The following UACA variants were observed in gnomAD, a reference collection of about 807,000 sequenced individuals.
The protein encoded by UACA is nuclear membrane binding protein.
UACA carries 112 observed loss-of-function variants against 160.5 expected under a neutral mutation model. The ratio of observed to expected loss-of-function variants is 0.70; its 90% CI spans 0.60 to 0.82. UACA has a LOEUF of 0.82. UACA is among the 40% of genes least tolerant of loss of function. The pLI is 0.00. For missense variants in UACA, 1,574 were observed against 1,614.6 expected, an observed-to-expected ratio of 0.97 and a Z score of 0.43; for synonymous variants, 557 against 568.4, an observed-to-expected ratio of 0.98 and a Z score of 0.29.
At chr15:70,778,062 A>G in the UACA span, among the ~76,000 whole-genome samples, 4 of 152,292 alleles carry the variant, frequency 2.6e-5, no homozygotes, top group South Asian at 6.2e-4. Context: ...TTAGTCAGGC[A>G]TAGTGACATG....
At chr15:70,764,170 GT>G (rs2030942917), upstream of UACA, among the ~76,000 whole-genome samples, 1 of 152,194 alleles carries the variant, frequency 6.6e-6, no homozygotes, top group South Asian at 2.1e-4. Context: ...TATTTGTTGA[GT>G]GAAGAATCCG....
upstream of UACA, chr15:70,763,736 G>C (rs2030922952): frequency 3.5e-6 from 1 of 286,856 alleles, no homozygotes; most frequent in African/African-American, 2.2e-5. Flanking sequence ...GGAAGGGGCG[G>C]AGGAGGTGGG....
At chr15:70,704,566 T>C (rs1049282486) in intron 1 of UACA, among the ~76,000 whole-genome samples, 2 of 152,190 alleles carry the variant, frequency 1.3e-5, no homozygotes, top group African/African-American at 2.4e-5. Flanking sequence ...GCTGTATGTA[T>C]ACTAGTAGGA....
In UACA at chr15:70,684,391, T is replaced by C; in HGVS notation, c.658A>G (p.Ile220Val). 6.2e-7 allele frequency: 1 copy of C among 1,613,794 alleles called. No individual in the cohort carries two copies. The highest frequency in any genetic ancestry group is 8.5e-7 in the Non-Finnish European group (1 of 1,179,812). ...YGCRDAVEVLIKNGADISLLD... is the reference protein window; with the variant it reads ...YGCRDAVEVLVKNGADISLLD... ...AAGCTTATATCAGCACCATTTTTAA[T>C]TAAGACTTCTACTGCATCTCTGCAA... Residue 220 changes from isoleucine to valine, a missense_variant, in exon 8 of 19, where the codon ATT (isoleucine) becomes GTT (valine). Ile to Val is a conservative substitution (Grantham distance 29). Coordinates refer to ENST00000322954, the MANE Select transcript of UACA (RefSeq NM_018003.4).
At chr15:70,719,020 T>C (rs983580538) in intron 1 of UACA, among the ~76,000 whole-genome samples, 3 of 145,042 alleles carry the variant, frequency 2.1e-5, no homozygotes, top group South Asian at 4.3e-4. Context: ...CCCCCAGTCA[T>C]AGGAAGGAGG....
intron 1 of UACA, among the ~76,000 whole-genome samples, chr15:70,755,620 A>G (rs969496839): frequency 6.6e-6 from 1 of 152,000 alleles, no homozygotes; most frequent in Non-Finnish European, 1.5e-5. Context: ...CAGTGGGCCA[A>G]GATTGCGCCA....
intron 3 of UACA, among the ~76,000 whole-genome samples, chr15:70,692,917 C>T (rs1897990313): frequency 6.6e-6 from 1 of 152,140 alleles, no homozygotes; most frequent in Non-Finnish European, 1.5e-5. Flanking sequence ...AACCAGGTTG[C>T]AGAACAAAAC....
intron 16 of UACA, among the ~76,000 whole-genome samples, chr15:70,666,033 G>A (rs1344513364): frequency 6.6e-6 from 1 of 152,130 alleles, no homozygotes; most frequent in Non-Finnish European, 1.5e-5. Flanking sequence ...TATAAACCCT[G>A]CTCATAAAAA....
the UACA span, among the ~76,000 whole-genome samples, chr15:70,771,721 GT>G: frequency 2.6e-5 from 4 of 152,238 alleles, no homozygotes; most frequent in Non-Finnish European, 5.9e-5. Context: ...GTTGAGGAAA[GT>G]CTTTCTGGAA....
At chr15:70,778,614 A>G in the UACA span, among the ~76,000 whole-genome samples, 1 of 152,224 alleles carries the variant, frequency 6.6e-6, no homozygotes, top group Admixed American at 6.5e-5. Context: ...TAATCCCTGC[A>G]TGTCAAAGTC....
At chr15:70,765,294 C>T (rs2030981269), upstream of UACA, among the ~76,000 whole-genome samples, 1 of 152,138 alleles carries the variant, frequency 6.6e-6, no homozygotes, top group Admixed American at 6.5e-5. Context: ...CTGTACTATT[C>T]TCTGTGGGTG....
At chr15:70,724,930 A>T (rs560711991) in intron 1 of UACA, among the ~76,000 whole-genome samples, 1 of 152,038 alleles carries the variant, frequency 6.6e-6, no homozygotes, top group Admixed American at 6.6e-5. Flanking sequence ...AAAAAAAAAA[A>T]AAAAAATTTA....
the UACA span, among the ~76,000 whole-genome samples, chr15:70,771,052 C>T: frequency 6.6e-6 from 1 of 152,266 alleles, no homozygotes; most frequent in Non-Finnish European, 1.5e-5. Flanking sequence ...TACTACATGA[C>T]TCCAAGTCAA....
intron 4 of UACA, among the ~76,000 whole-genome samples, chr15:70,690,952 T>C (rs780013172): frequency 2.0e-5 from 3 of 152,208 alleles, no homozygotes; most frequent in Non-Finnish European, 4.4e-5. Context: ...AATAATATTA[T>C]GTAGTATAAG....
intron 1 of UACA, among the ~76,000 whole-genome samples, chr15:70,741,548 T>C (rs1358917149): frequency 6.6e-6 from 1 of 152,228 alleles, no homozygotes; most frequent in Non-Finnish European, 1.5e-5. Flanking sequence ...CTCTGTTCTT[T>C]ATAAAGTTGG....
chr15:70,681,058 C>A (rs1281771283), intron 9 of UACA, among the ~76,000 whole-genome samples: 1 of 152,186 alleles, frequency 6.6e-6, no homozygotes, highest in Non-Finnish European at 1.5e-5. Context: ...GGGCACCTGC[C>A]CTTCCCTCAG....
At chr15:70,676,244 A>C (rs776882273) in intron 13 of UACA, 82 of 321,512 alleles carry the variant, frequency 2.6e-4, no homozygotes, top group Non-Finnish European at 4.1e-4. Context: ...AATGAAGAGA[A>C]ACTAGAATGA....
intron 1 of UACA, among the ~76,000 whole-genome samples, chr15:70,706,651 T>C (rs748112830): frequency 9.9e-5 from 15 of 151,942 alleles, no homozygotes; most frequent in Non-Finnish European, 2.2e-4. Flanking sequence ...TGCATTTCTA[T>C]ATAATAACAA....
intron 7 of UACA, 99 bp downstream of exon 7, chr15:70,687,441 A>T: frequency 8.9e-7 from 1 of 1,126,030 alleles, no homozygotes; most frequent in East Asian, 2.4e-5. Flanking sequence ...AACCCACAGG[A>T]AAGAAAGGCC....
Sources: allele counts gnomAD v4.1 joint callset (sites outside exome capture counted in the v4.1 genomes callset), GRCh38; gene constraint gnomAD v4.1.1; transcripts MANE v1.5; gene names NCBI Gene and HGNC (gene_info 2026-07-23, HGNC 2026-07-21).